The following C10orf88 variants were observed in gnomAD, a reference collection of about 807,000 sequenced individuals.
The protein encoded by C10orf88 is ATPase PAAT.
A neutral mutation model predicts 34.2 loss-of-function variants in C10orf88; 29 were observed. The observed-to-expected ratio is 0.85, with a 90% confidence interval of 0.63 to 1.16. The LOEUF (loss-of-function observed/expected upper bound fraction) is 1.16. Ranked by LOEUF, C10orf88 falls within the 50% of genes most tolerant of loss-of-function variation. The probability of loss-of-function intolerance (pLI) is 0.00; values close to 1 mark genes in which losing one functional copy is unlikely to be tolerated. For synonymous variants in C10orf88, 194 were observed against 197.4 expected, an observed-to-expected ratio of 0.98 and a Z score of 0.15; for missense variants, 507 against 533.2, an observed-to-expected ratio of 0.95 and a Z score of 0.48.
intron 4 of C10orf88, 129 bp from the exon 5 acceptor site, chr10:122,938,288 C>T: frequency 1.3e-6 from 1 of 778,428 alleles, no homozygotes; most frequent in Non-Finnish European, 2.0e-6. Context: ...AAGTAGGCCA[C>T]TAATACTATC....
chr10:122,935,374 A>C (rs1291413424), intron 5 of C10orf88, among the ~76,000 whole-genome samples: 1 of 152,046 alleles, frequency 6.6e-6, no homozygotes, highest in Non-Finnish European at 1.5e-5. Context: ...GCCTGTGGAT[A>C]TCCAACTGTT....
At chr10:122,953,244 A>AT in intron 1 of C10orf88, among the ~76,000 whole-genome samples, 1 of 152,076 alleles carries the variant, frequency 6.6e-6, no homozygotes, top group East Asian at 1.9e-4. Flanking sequence ...CGCCCGGCTA[A>AT]TTTTTTGTAT....
rs966575471 is a variant in C10orf88, at chr10:122,954,193, T to G, written c.-15A>C. ...CGCGTCTCCATTCCGCCGCCTTCAG[T>G]CAGGCCAGCCCAGCCCCGGAACCTC... On this transcript the variant is annotated 5_prime_UTR_variant, in exon 1 of 6. Coordinates refer to ENST00000481909, the MANE Select transcript of C10orf88 (RefSeq NM_024942.4). 2 of 1,551,462 alleles carry G rather than the reference T, an allele frequency of 1.3e-6. No individual in the cohort carries two copies. Among genetic ancestry groups the G allele is most frequent in the African/African-American group, 2.8e-5 (2 of 71,474 alleles).
At chr10:122,953,067 T>C (rs753930091) in intron 1 of C10orf88, 35 bp from the exon 2 acceptor site, 1 of 1,507,492 alleles carries the variant, frequency 6.6e-7, no homozygotes, top group South Asian at 1.1e-5. Flanking sequence ...TCACACAGTA[T>C]AGTTCTCTGA....
At chr10:122,950,432 C>G (rs530191360) in intron 3 of C10orf88, among the ~76,000 whole-genome samples, 1 of 152,160 alleles carries the variant, frequency 6.6e-6, no homozygotes, top group South Asian at 2.1e-4. Context: ...AAAACATTCA[C>G]CTTCAGAGAG....
chr10:122,939,053 A>G (rs959042303), intron 4 of C10orf88, among the ~76,000 whole-genome samples: 1 of 152,028 alleles, frequency 6.6e-6, no homozygotes, highest in African/African-American at 2.4e-5. Context: ...CAATATGTAA[A>G]TTAGCTGAAG....
chr10:122,952,807 T>A (rs1346287670), intron 2 of C10orf88, 22 bp downstream of exon 2: 2 of 1,611,762 alleles, frequency 1.2e-6, no homozygotes, highest in African/African-American at 2.7e-5. Context: ...GAAGAACACT[T>A]TCCCGTGTAC....
In C10orf88 at chr10:122,932,645, T is replaced by C. The variant is rs75571109; in HGVS notation, c.1120A>G (p.Ile374Val). The C allele has an allele frequency of 1.6e-4, 259 of 1,603,406 alleles. No individual in the cohort carries two copies. In the African/African-American group the frequency reaches 2.9e-3, roughly 18 times the overall value. Residue 374 changes from isoleucine (I) to valine (V), a missense_variant, in exon 6 of 6, where the codon ATT (isoleucine) becomes GTT (valine). Transcript: ENST00000481909. Reference protein sequence around the residue: ...ILGVGMEEQSICSYLEKILSK... With the variant: ...ILGVGMEEQSVCSYLEKILSK... ...AGAATCTTTTCCAAGTAGGAGCAAATAGATTGCTCTTCCATTCTAAAAATA... is the reference window on the plus strand; with the variant it reads ...AGAATCTTTTCCAAGTAGGAGCAAACAGATTGCTCTTCCATTCTAAAAATA...
chr10:122,948,749 C>CGA lies in C10orf88; in HGVS notation c.547_548insTC (p.Arg183IlefsTer3), dbSNP rs762691105. ...GGTTTGGACCTTGTCAAGGTCTATCCTTGATCCTAGAGCAGGAGAGCTTGT... is the reference window on the plus strand; with the variant it reads ...GGTTTGGACCTTGTCAAGGTCTATCCGATTGATCCTAGAGCAGGAGAGCTTGT... On this transcript the variant is annotated frameshift_variant, in exon 4 of 6. Coordinates refer to ENST00000481909, the MANE Select transcript of C10orf88 (RefSeq NM_024942.4). LOFTEE classifies it high-confidence loss of function. 6.2e-7 allele frequency: 1 copy of CGA among 1,613,840 alleles called. No homozygotes were observed. The highest frequency in any genetic ancestry group is 2.2e-5 in the East Asian group (1 of 44,888).
rs953451764 is a variant in C10orf88, at chr10:122,948,873, T to G, written c.442-18A>C. ...GAGAGCAACTATTATAAAACAAAAG[T>G]TCCAGAAAAGAATGATATTAAAAAC... On this transcript the variant is annotated intron_variant, in intron 3 of 5. Coordinates refer to ENST00000481909, the MANE Select transcript of C10orf88 (RefSeq NM_024942.4). 3.1e-6 allele frequency: 5 copies of G among 1,597,312 alleles called. No individual in the cohort carries two copies. In the South Asian group the frequency reaches 4.4e-5, roughly 14 times the overall value.
rs147299296 is a variant in C10orf88 at position 122,950,505 on chromosome 10, T to C, written c.441+1449A>G. On this transcript the variant is annotated intron_variant, in intron 3 of 5. Transcript: ENST00000481909. ...ATACAGACTCATGATCCAAGAACTC[T>C]TAAGTGTTGAACCAAAGATGTGACT... 8.1e-3 allele frequency among the ~76,000 whole-genome samples: 1,229 copies of C among 152,348 alleles called. 11 individuals are homozygous for C. The highest frequency in any genetic ancestry group is 0.017 in the Middle Eastern group (5 of 294).
chr10:122,945,561 GACA>G (rs1848631533), intron 4 of C10orf88, among the ~76,000 whole-genome samples: 1 of 151,958 alleles, frequency 6.6e-6, no homozygotes, highest in Non-Finnish European at 1.5e-5. Flanking sequence ...GGAGGTGGGA[GACA>G]GTGATACTTA....
Position 122,954,031 on chromosome 10 carries a change from C to A in C10orf88, c.148G>T (p.Ala50Ser). The A allele has an allele frequency of 1.3e-6, 2 of 1,528,296 alleles. No homozygotes were observed. Among genetic ancestry groups the A allele is most frequent in the Non-Finnish European group, 1.8e-6 (2 of 1,141,028 alleles). 94.7% of individuals were successfully genotyped at this position (1,528,296 alleles called of 1,614,324 possible). Reference protein sequence around the residue: ...PGDFDWEELLAPPAPGQDLVI... With the variant: ...PGDFDWEELLSPPAPGQDLVI... The stretch of plus-strand genomic sequence containing the variant: ...CCGGCGCACCCTGGAGCAGGCGGTG[C>A]CAGCAGCTCCTCCCAGTCGAAGTCA... Residue 50 changes from alanine to serine, a missense_variant, in exon 1 of 6, where the codon GCA becomes TCA. By Grantham distance (99) the Ala-to-Ser change is moderately conservative (BLOSUM62 1). Coordinates refer to ENST00000481909, the MANE Select transcript of C10orf88 (RefSeq NM_024942.4).
rs1336086833 is a variant in C10orf88, at chr10:122,931,248, A to C, written c.*1179T>G. The C allele has an allele frequency of 6.6e-6, 1 of 152,152 alleles. No individual in the cohort carries two copies. Among genetic ancestry groups the C allele is most frequent in the South Asian group, 2.1e-4 (1 of 4,824 alleles). The allele number at this position is 152,152 out of a possible 1,614,324, so 9.4% of individuals were successfully genotyped here. A position where few individuals can be genotyped will look rare whatever the true frequency, so the allele number is the denominator to read the frequency against. On this transcript the variant is annotated 3_prime_UTR_variant, in exon 6 of 6. Transcript: ENST00000481909. ...TCTTTTTAAAGTCGTTTGGTCAGCT[A>C]TCGTGGTTGTAACCAGTCTCCTCTG...
At chr10:122,942,623 C>A (rs1218600252) in intron 4 of C10orf88, among the ~76,000 whole-genome samples, 1 of 149,644 alleles carries the variant, frequency 6.7e-6, no homozygotes, top group African/African-American at 2.5e-5. Context: ...ATCTAGAAAA[C>A]CCCATCGTCT....
intron 2 of C10orf88, among the ~76,000 whole-genome samples, chr10:122,952,610 T>C (rs1474730891): frequency 3.3e-5 from 5 of 152,232 alleles, no homozygotes; most frequent in Non-Finnish European, 7.3e-5. Flanking sequence ...TCACCTTGAT[T>C]GTTAGTTCTA....
chr10:122,940,806 A>G (rs1848574560), intron 4 of C10orf88, among the ~76,000 whole-genome samples: 1 of 152,052 alleles, frequency 6.6e-6, no homozygotes, highest in Non-Finnish European at 1.5e-5. Context: ...TAATATTCAT[A>G]AAACCATAGA....
At chr10:122,952,155 G>T in intron 2 of C10orf88, 129 bp from the exon 3 acceptor site, 1 of 577,176 alleles carries the variant, frequency 1.7e-6, no homozygotes, top group Non-Finnish European at 3.1e-6. Flanking sequence ...GAGGCATGAA[G>T]AGTTGGGCTC....
rs1178335854 is a variant in C10orf88, at chr10:122,951,995, T to A, written c.400A>T (p.Asn134Tyr). 1 of 1,541,820 alleles carries A rather than the reference T, an allele frequency of 6.5e-7. No homozygotes were observed. The highest frequency in any genetic ancestry group is 2.3e-5 in the East Asian group (1 of 44,324). ...TGTGTGGAGGACTCCAATTTTAGATTTTTTTTATACAAAATGATCTTTTCA... is the reference window on the plus strand; with the variant it reads ...TGTGTGGAGGACTCCAATTTTAGATATTTTTTATACAAAATGATCTTTTCA... ...EHEKIILYKK[N>Y]LKLESSTHAC... The change falls in exon 3 of 6, where the codon AAT becomes TAT. Residue 134 changes from asparagine to tyrosine, a missense_variant. Asn to Tyr is a moderately radical substitution (Grantham distance 143). Transcript: ENST00000481909.
Sources: allele counts gnomAD v4.1 joint callset (sites outside exome capture counted in the v4.1 genomes callset), GRCh38; gene constraint gnomAD v4.1.1; transcripts MANE v1.5; gene names NCBI Gene and HGNC (gene_info 2026-07-23, HGNC 2026-07-21).